The following ZNF146 variants were observed in gnomAD, a reference collection of about 807,000 sequenced individuals.
ZNF146 encodes the protein zinc finger protein OZF.
Under a neutral mutation model 22.2 loss-of-function variants are expected in ZNF146, and 9 were observed. That is an observed-to-expected ratio of 0.41 (90% confidence interval 0.24 to 0.71). ZNF146 has a LOEUF of 0.71. Ranked by LOEUF, ZNF146 falls within the 30% of genes least tolerant of loss-of-function variation. ZNF146 has a pLI of 0.34. For missense variants in ZNF146, 194 were observed against 344.8 expected, an observed-to-expected ratio of 0.56 and a Z score of 3.46; for synonymous variants, 108 against 119.2, an observed-to-expected ratio of 0.91 and a Z score of 0.61.
At chr19:36,221,754 C>T (rs2432045) in intron 2 of ZNF146, among the ~76,000 whole-genome samples, 56,546 of 151,178 alleles carry the variant, frequency 0.37, 10,744 homozygotes, top group South Asian at 0.49. Flanking sequence ...TTGTTTGCTT[C>T]TTGTTTATCC....
chr19:36,227,108 G>A (rs951027330), intron 2 of ZNF146, among the ~76,000 whole-genome samples: 2 of 150,756 alleles, frequency 1.3e-5, no homozygotes, highest in African/African-American at 4.9e-5. Context: ...TTTTTTTTTG[G>A]CTGGGCGCAG....
chr19:36,219,068 A>G (rs1013680334), intron 2 of ZNF146, among the ~76,000 whole-genome samples: 1 of 151,990 alleles, frequency 6.6e-6, no homozygotes, highest in Non-Finnish European at 1.5e-5. Flanking sequence ...TCGGCCTCCC[A>G]AAGTGCTGGG....
At chr19:36,230,953 C>T (rs1842863128) in intron 3 of ZNF146, among the ~76,000 whole-genome samples, 1 of 152,166 alleles carries the variant, frequency 6.6e-6, no homozygotes, top group African/African-American at 2.4e-5. Context: ...AGGCACCTGC[C>T]ACCACGCCGG....
chr19:36,215,418 G>C, intron 1 of ZNF146, among the ~76,000 whole-genome samples: 1 of 152,076 alleles, frequency 6.6e-6, no homozygotes. Context: ...GTGAAACTGG[G>C]TGCGGGATTG....
chr19:36,229,248 C>G (rs992121496), intron 3 of ZNF146, among the ~76,000 whole-genome samples: 1 of 152,218 alleles, frequency 6.6e-6, no homozygotes, highest in East Asian at 1.9e-4. Context: ...CCTGTTCTCA[C>G]ACTTCCCGTT....
intron 3 of ZNF146, 136 bp from the exon 4 acceptor site, chr19:36,235,523 A>G (rs1272214760): frequency 6.6e-6 from 1 of 152,214 alleles, no homozygotes; most frequent in South Asian, 2.1e-4. Context: ...TTTTATTGCT[A>G]GTAATGGGAA....
At chr19:36,225,953 G>T (rs35244427) in intron 2 of ZNF146, among the ~76,000 whole-genome samples, 1 of 151,824 alleles carries the variant, frequency 6.6e-6, no homozygotes, top group Non-Finnish European at 1.5e-5. Flanking sequence ...ATTTTTTGCA[G>T]AGATGGGGTC....
In ZNF146 at chr19:36,237,322, A is replaced by AC; in HGVS notation, c.*7dup. The stretch of plus-strand genomic sequence containing the variant: ...ACCAGAAAATTCATACTCACTAAAA[A>AC]CCCCATGAAAGCCTTGAAAGTGGGA... On this transcript the variant is annotated 3_prime_UTR_variant, in exon 4 of 4. Transcript: ENST00000443387. 1 of 1,585,098 alleles carries AC rather than the reference A, an allele frequency of 6.3e-7. No individual in the cohort carries two copies. Among genetic ancestry groups the AC allele is most frequent in the Non-Finnish European group, 8.6e-7 (1 of 1,165,674 alleles).
chr19:36,215,712 C>T (rs1976573697), intron 1 of ZNF146, among the ~76,000 whole-genome samples: 1 of 151,742 alleles, frequency 6.6e-6, no homozygotes, highest in Non-Finnish European at 1.5e-5. Context: ...TTTCGGGGTG[C>T]CTACTTCAGA....
At position 36,236,556 on chromosome 19, in the gene ZNF146, C is replaced by T. The variant is rs753111926; in HGVS notation, c.116C>T (p.Thr39Met). ...SNLTEHEHFHTREKPFECNEC... is the reference protein window; with the variant it reads ...SNLTEHEHFHMREKPFECNEC... ...CTCACTGAGCATGAGCATTTTCACA[C>T]GAGAGAGAAACCTTTTGAATGTAAC... The change falls in exon 4 of 4, where the codon ACG becomes ATG. Residue 39 changes from threonine (T) to methionine (M), a missense_variant. Physicochemically the swap from Thr to Met is moderately conservative, Grantham distance 81. Around this residue, in one of 2 missense-constraint regions of ZNF146, gnomAD observed 47 missense variants for 44.7 expected, o/e 1.05. Transcript: ENST00000443387. 47 of 1,613,950 alleles carry T rather than the reference C, an allele frequency of 2.9e-5. No homozygotes were observed. Among genetic ancestry groups the T allele is most frequent in the African/African-American group, 2.7e-5 (2 of 74,884 alleles).
chr19:36,225,641 C>T (rs935588277), intron 2 of ZNF146, among the ~76,000 whole-genome samples: 1 of 150,700 alleles, frequency 6.6e-6, no homozygotes, highest in Non-Finnish European at 1.5e-5. Flanking sequence ...TTTTTTAGTG[C>T]TAAGCACGCT....
Position 36,221,279 on chromosome 19 carries a change from G to A in ZNF146, c.-855+3084G>A, listed in dbSNP as rs1265007677. ...TTCATTTGTTGTTTTCAGGTTAAGG[G>A]ACTGCTTTTTTTTTTTTTTTTTTTT... On this transcript the variant is annotated intron_variant, in intron 2 of 3. Transcript: ENST00000443387. 2.0e-5 allele frequency among the ~76,000 whole-genome samples: 3 copies of A among 146,400 alleles called. No individual in the cohort carries two copies. In the East Asian group the frequency reaches 6.0e-4, roughly 29 times the overall value.
At chr19:36,232,751 G>T (rs963417243) in intron 3 of ZNF146, among the ~76,000 whole-genome samples, 6 of 151,968 alleles carry the variant, frequency 3.9e-5, no homozygotes, top group Non-Finnish European at 7.4e-5. Context: ...TGGGATTATA[G>T]GAGCATGCCA....
intron 2 of ZNF146, among the ~76,000 whole-genome samples, chr19:36,222,658 A>ATG (rs1167038671): frequency 1.3e-5 from 2 of 151,644 alleles, no homozygotes; most frequent in Non-Finnish European, 2.9e-5. Flanking sequence ...AAAGGCCTGT[A>ATG]TGTATTAATC....
At chr19:36,221,838 C>G (rs1299560665) in intron 2 of ZNF146, among the ~76,000 whole-genome samples, 1 of 151,242 alleles carries the variant, frequency 6.6e-6, no homozygotes, top group Admixed American at 6.6e-5. Flanking sequence ...CTCCACCTTA[C>G]ATAAAAGATA....
chr19:36,232,289 T>A (rs956949678), intron 3 of ZNF146, among the ~76,000 whole-genome samples: 1 of 152,152 alleles, frequency 6.6e-6, no homozygotes, highest in African/African-American at 2.4e-5. Flanking sequence ...CCTTTGATTA[T>A]GAAATATTCT....
intron 2 of ZNF146, among the ~76,000 whole-genome samples, chr19:36,222,762 A>G (rs889861649): frequency 3.1e-5 from 4 of 128,488 alleles, no homozygotes; most frequent in South Asian, 2.5e-4. Context: ...TTAGCCCTGT[A>G]TGAAATGAGT....
At position 36,237,091 on chromosome 19, in the gene ZNF146, T is replaced by C. The variant is rs1329903237; in HGVS notation, c.651T>C (p.Cys217=). Residue 217 remains cysteine (C), a synonymous_variant, in exon 4 of 4, where the codon TGT becomes TGC. Transcript: ENST00000443387. The part of the protein sequence containing the change: ...SGDKPYECNV[C]GKAFSQSSSL... Reference sequence around the variant, plus strand: ...ATAAACCTTACGAATGCAATGTTTGTGGAAAAGCCTTCTCTCAGAGCTCAT... The same window carrying C: ...ATAAACCTTACGAATGCAATGTTTGCGGAAAAGCCTTCTCTCAGAGCTCAT... The C allele has an allele frequency of 1.2e-6, 2 of 1,614,168 alleles. No homozygotes were observed. The highest frequency in any genetic ancestry group is 4.5e-5 in the East Asian group (2 of 44,876).
intron 3 of ZNF146, among the ~76,000 whole-genome samples, chr19:36,234,233 A>G (rs1977540046): frequency 6.6e-6 from 1 of 152,244 alleles, no homozygotes; most frequent in Admixed American, 6.5e-5. Context: ...ATCTCAAGGC[A>G]GAATAATTTT....
Sources: allele counts gnomAD v4.1 joint callset (sites outside exome capture counted in the v4.1 genomes callset), GRCh38; gene constraint gnomAD v4.1.1; regional missense constraint gnomAD v4.1.1; transcripts MANE v1.5; gene names NCBI Gene and HGNC (gene_info 2026-07-23, HGNC 2026-07-21).